Variants in PRKCB observed in about 807,000 individuals in gnomAD.
PRKCB encodes protein kinase C beta type.
PRKCB carries 13 observed loss-of-function variants against 81.5 expected under a neutral mutation model. The observed-to-expected ratio is 0.16, with a 90% CI of 0.10 to 0.25. The LOEUF is 0.25. Among genes scored for constraint, PRKCB ranks in the 10% least tolerant of loss-of-function variants. PRKCB has a pLI of 1.00. For missense variants in PRKCB, 509 were observed against 875.7 expected (o/e 0.58, Z 5.29); for synonymous variants, 335 against 321.4 (o/e 1.04, Z -0.45).
At chr16:23,959,245 A>G (rs7188987) in intron 2 of PRKCB, among the ~76,000 whole-genome samples, 4,842 of 152,282 alleles carry the variant, frequency 0.032, 242 homozygotes, top group African/African-American at 0.11. Context: ...GCTGTATATC[A>G]GAGGTGTTAT....
At position 24,096,023 on chromosome 16, in the gene PRKCB, C is replaced by T. The variant is rs12599392; in HGVS notation, c.821+1726C>T. The stretch of plus-strand genomic sequence containing the variant: ...CATTTAAAATGTACACTAGGCCGGG[C>T]GCAGTGGCTCACCCCTGTATTCCCA... On this transcript the variant is annotated intron_variant, in intron 7 of 16. Coordinates refer to ENST00000643927, the MANE Select transcript of PRKCB (RefSeq NM_002738.7). 1.7e-3 allele frequency among the ~76,000 whole-genome samples: 257 copies of T among 152,222 alleles called. 6 individuals carry two copies. The East Asian group carries it at 0.042, about 25-fold the overall frequency.
intron 2 of PRKCB, among the ~76,000 whole-genome samples, chr16:23,973,218 G>A (rs1322562754): frequency 6.6e-6 from 1 of 152,120 alleles, no homozygotes; most frequent in South Asian, 2.1e-4. Flanking sequence ...ATCTCACTCT[G>A]TTGCCCAGGC....
At chr16:24,061,915 A>T (rs1412616218) in intron 5 of PRKCB, among the ~76,000 whole-genome samples, 4 of 147,968 alleles carry the variant, frequency 2.7e-5, no homozygotes, top group African/African-American at 1.0e-4. Context: ...ATAAATAAAA[A>T]AAAAAAAAAA....
At chr16:23,990,880 G>A (rs1318436671) in intron 3 of PRKCB, among the ~76,000 whole-genome samples, 1 of 152,158 alleles carries the variant, frequency 6.6e-6, no homozygotes, top group Non-Finnish European at 1.5e-5. Context: ...AGCTGAAACT[G>A]TCCTAGCTGA....
chr16:23,850,153 C>CT (rs904968963), intron 2 of PRKCB, among the ~76,000 whole-genome samples: 13 of 152,030 alleles, frequency 8.6e-5, no homozygotes, highest in African/African-American at 2.9e-4. Flanking sequence ...TAATTTCTCT[C>CT]TTTTTTTTAA....
chr16:23,973,779 C>T (rs1316586427), intron 2 of PRKCB, among the ~76,000 whole-genome samples: 1 of 152,112 alleles, frequency 6.6e-6, no homozygotes, highest in Non-Finnish European at 1.5e-5. Flanking sequence ...CTCCTGGGCT[C>T]AAGTGATCCT....
At chr16:24,152,130 C>T (rs1967089362) in intron 9 of PRKCB, among the ~76,000 whole-genome samples, 1 of 152,068 alleles carries the variant, frequency 6.6e-6, no homozygotes, top group Non-Finnish European at 1.5e-5. Context: ...TAAAGACATA[C>T]CCGAGACTGT....
chr16:23,841,183 G>A (rs73537013), intron 2 of PRKCB, among the ~76,000 whole-genome samples: 11,709 of 152,104 alleles, frequency 0.077, 1,482 homozygotes, highest in African/African-American at 0.26. Flanking sequence ...GGGCTCAAGC[G>A]ATTCTTCTGC....
chr16:24,142,679 G>A (rs1466635803), intron 9 of PRKCB, among the ~76,000 whole-genome samples: 1 of 152,198 alleles, frequency 6.6e-6, no homozygotes, highest in African/African-American at 2.4e-5. Context: ...CAGCAGGCAA[G>A]GCTCGTCCAC....
chr16:24,123,019 G>A (rs1240588737), intron 8 of PRKCB, among the ~76,000 whole-genome samples: 1 of 152,168 alleles, frequency 6.6e-6, no homozygotes, highest in Non-Finnish European at 1.5e-5. Flanking sequence ...GGAAAACCAT[G>A]GAGAATGAGA....
At chr16:24,050,428 T>C (rs757201440) in intron 5 of PRKCB, among the ~76,000 whole-genome samples, 27 of 152,188 alleles carry the variant, frequency 1.8e-4, no homozygotes, top group Admixed American at 3.9e-4. Context: ...TCAGCTGTTT[T>C]CAAACCTTTC....
At chr16:23,998,795 C>G (rs1402557162) in intron 3 of PRKCB, among the ~76,000 whole-genome samples, 1 of 152,124 alleles carries the variant, frequency 6.6e-6, no homozygotes, top group African/African-American at 2.4e-5. Flanking sequence ...GTCAGACAGA[C>G]CAGGAAAGGG....
At chr16:23,917,828 C>T (rs763344945) in intron 2 of PRKCB, among the ~76,000 whole-genome samples, 3 of 152,138 alleles carry the variant, frequency 2.0e-5, no homozygotes, top group African/African-American at 7.2e-5. Flanking sequence ...TAAGTGATCT[C>T]GTAAAGCTGA....
Position 24,012,303 on chromosome 16 carries a change from A to G in PRKCB, c.289-19833A>G, listed in dbSNP as rs958039587. Among the ~76,000 whole-genome samples, 15 of 152,264 alleles carry G rather than the reference A, an allele frequency of 9.9e-5. 2 individuals are homozygous for G. The highest frequency in any genetic ancestry group is 3.9e-4 in the East Asian group (2 of 5,186). On this transcript the variant is annotated intron_variant, in intron 3 of 16. Transcript: ENST00000643927. The stretch of plus-strand genomic sequence containing the variant: ...CCTATGAGAAAGATGCTTTTTTAAC[A>G]CCTATTTTATAGAGGAGGAAACTGA...
At position 24,185,647 on chromosome 16, in the gene PRKCB, CA is replaced by C. The variant is rs377308135; in HGVS notation, c.1722+81del. On this transcript the variant is annotated intron_variant, in intron 15 of 16. Coordinates refer to ENST00000643927, the MANE Select transcript of PRKCB (RefSeq NM_002738.7). ...TGTACCTTGCCCAAGAACACCCCAC[CA>C]GGGGGGAACACAGCCTGAACTCCAC... 549 of 1,163,996 alleles carry C rather than the reference CA, an allele frequency of 4.7e-4. 6 individuals are homozygous for C. The East Asian group carries it at 7.9e-3, about 17-fold the overall frequency. The allele number at this position is 1,163,996 out of a possible 1,614,324, so 72.1% of individuals were successfully genotyped here. A position where few individuals can be genotyped will look rare whatever the true frequency, so the allele number is the denominator to read the frequency against.
chr16:23,949,060 A>G (rs1387297523), intron 2 of PRKCB, among the ~76,000 whole-genome samples: 2 of 152,244 alleles, frequency 1.3e-5, no homozygotes, highest in Non-Finnish European at 2.9e-5. Context: ...ACAGTGATTC[A>G]GGCGTAAACA....
At chr16:23,955,773 G>A (rs1295170390) in intron 2 of PRKCB, among the ~76,000 whole-genome samples, 1 of 152,088 alleles carries the variant, frequency 6.6e-6, no homozygotes, top group African/African-American at 2.4e-5. Context: ...AGTGACCAGG[G>A]GCTTCCGACA....
intron 9 of PRKCB, among the ~76,000 whole-genome samples, chr16:24,133,171 A>G (rs983087679): frequency 6.6e-6 from 1 of 152,124 alleles, no homozygotes; most frequent in Non-Finnish European, 1.5e-5. Context: ...TGAACCCAGG[A>G]GATGGAGCAA....
chr16:24,092,649 C>A, intron 5 of PRKCB, 142 bp from the exon 6 acceptor site: 1 of 751,216 alleles, frequency 1.3e-6, no homozygotes, highest in Non-Finnish European at 2.1e-6. Context: ...TGCACTGCTT[C>A]AGCTATGGAT....
Sources: allele counts gnomAD v4.1 joint callset (sites outside exome capture counted in the v4.1 genomes callset), GRCh38; gene constraint gnomAD v4.1.1; transcripts MANE v1.5; gene names NCBI Gene and HGNC (gene_info 2026-07-23, HGNC 2026-07-21).